The following MCPH1 variants were observed in gnomAD, a reference collection of about 807,000 sequenced individuals.
The protein encoded by MCPH1 is microcephalin.
Under a neutral mutation model 84.5 loss-of-function variants are expected in MCPH1, and 104 were observed. The observed-to-expected ratio is 1.23, with a 90% confidence interval of 1.05 to 1.45. MCPH1 has a LOEUF of 1.45. Among genes scored for constraint, MCPH1 ranks in the 40% most tolerant of loss-of-function variants. The pLI is 0.00. For missense variants in MCPH1, 1,498 were observed against 1,005.7 expected (o/e 1.49, Z -6.62); for synonymous variants, 514 against 366.8 (o/e 1.40, Z -4.58).
intron 12 of MCPH1, among the ~76,000 whole-genome samples, chr8:6,619,641 G>A: frequency 6.6e-6 from 1 of 151,568 alleles, no homozygotes. Flanking sequence ...CTGGAGTGCA[G>A]TGGCACAATC....
intron 7 of MCPH1, 72 bp from the exon 8 acceptor site, chr8:6,444,321 G>C: frequency 6.4e-7 from 1 of 1,556,464 alleles, no homozygotes; most frequent in South Asian, 1.1e-5. Flanking sequence ...TTGTTTTATT[G>C]GTCAACTGAA....
chr8:6,551,737 A>G (rs1823682219), intron 12 of MCPH1, among the ~76,000 whole-genome samples: 1 of 152,240 alleles, frequency 6.6e-6, no homozygotes, highest in Non-Finnish European at 1.5e-5. Flanking sequence ...TAAAAATAGT[A>G]AGGAATTTCA....
At chr8:6,625,817 C>G in intron 13 of MCPH1, 1 of 985,180 alleles carries the variant, frequency 1.0e-6, no homozygotes, top group Non-Finnish European at 1.2e-6. Context: ...TTTTTCAGTG[C>G]CTTTATATTG....
intron 8 of MCPH1, among the ~76,000 whole-genome samples, chr8:6,451,786 T>C (rs377719799): frequency 1.3e-5 from 2 of 152,366 alleles, no homozygotes; most frequent in South Asian, 2.1e-4. Context: ...TTCAAATTTT[T>C]GAAGCTTAGA....
At chr8:6,441,504 C>A (rs1803505879) in intron 6 of MCPH1, among the ~76,000 whole-genome samples, 1 of 152,108 alleles carries the variant, frequency 6.6e-6, no homozygotes, top group East Asian at 1.9e-4. Context: ...ATTGTATGAA[C>A]CGCCTTTGAA....
At chr8:6,627,205 G>T (rs1056475142) in intron 13 of MCPH1, 2 of 985,280 alleles carry the variant, frequency 2.0e-6, no homozygotes, top group East Asian at 2.3e-4. Flanking sequence ...AGGCCTTCGG[G>T]CTTCCTGATT....
chr8:6,420,923 T>G (rs1417789871), intron 3 of MCPH1, among the ~76,000 whole-genome samples: 1 of 152,082 alleles, frequency 6.6e-6, no homozygotes, highest in African/African-American at 2.4e-5. Flanking sequence ...GAGCAGAAGT[T>G]TATTTAAAAG....
intron 12 of MCPH1, among the ~76,000 whole-genome samples, chr8:6,572,443 T>C (rs1406295598): frequency 6.6e-6 from 1 of 152,182 alleles, no homozygotes; most frequent in Non-Finnish European, 1.5e-5. Flanking sequence ...GGCAAATCTA[T>C]CCATGATTGT....
chr8:6,469,034 A>G (rs1217013794), intron 9 of MCPH1, among the ~76,000 whole-genome samples: 2 of 151,956 alleles, frequency 1.3e-5, no homozygotes, highest in Admixed American at 6.6e-5. Context: ...ACTAAAAATA[A>G]TTTTTTAAAA....
At chr8:6,491,947 G>T (rs1266202814) in intron 11 of MCPH1, among the ~76,000 whole-genome samples, 2 of 152,184 alleles carry the variant, frequency 1.3e-5, no homozygotes, top group African/African-American at 4.8e-5. Context: ...ACGTGTGCAT[G>T]TGTCTTTATA....
At chr8:6,562,574 T>TTTTTAAAACA in intron 12 of MCPH1, 1 of 583,796 alleles carries the variant, frequency 1.7e-6, no homozygotes, top group Non-Finnish European at 2.6e-6. Context: ...TTTTTTTTGG[T>TTTTTAAAACA]TGTTAAAACC....
intron 3 of MCPH1, among the ~76,000 whole-genome samples, chr8:6,426,891 A>G (rs1049937156): frequency 1.3e-5 from 2 of 152,150 alleles, no homozygotes; most frequent in Admixed American, 1.3e-4. Flanking sequence ...CAATTAAAGT[A>G]TACAATTCAG....
intron 12 of MCPH1, chr8:6,502,350 G>T (rs1812350000): frequency 6.6e-6 from 1 of 151,952 alleles, no homozygotes; most frequent in Non-Finnish European, 1.5e-5. Flanking sequence ...TAACAATCAG[G>T]CAGAAAAAAA....
At chr8:6,474,372 T>G in intron 9 of MCPH1, 1 of 366,490 alleles carries the variant, frequency 2.7e-6, no homozygotes, top group Non-Finnish European at 5.1e-6. Flanking sequence ...AAAGTGACAC[T>G]TTAGGACTGA....
At chr8:6,438,648 A>G (rs1472220354) in intron 5 of MCPH1, among the ~76,000 whole-genome samples, 1 of 152,206 alleles carries the variant, frequency 6.6e-6, no homozygotes, top group African/African-American at 2.4e-5. Flanking sequence ...TCTGTGTCTC[A>G]GTCTTTGTCT....
At chr8:6,612,706 C>G (rs1049452757) in intron 12 of MCPH1, among the ~76,000 whole-genome samples, 1 of 152,234 alleles carries the variant, frequency 6.6e-6, no homozygotes, top group South Asian at 2.1e-4. Flanking sequence ...CCGCTCACAT[C>G]GCCGCTTCAC....
At chr8:6,570,803 G>GTT (rs10548398) in intron 12 of MCPH1, among the ~76,000 whole-genome samples, 317 of 107,702 alleles carry the variant, frequency 2.9e-3, no homozygotes, top group East Asian at 6.9e-3. Flanking sequence ...ATGGATTGTT[G>GTT]TTTTTTTTTT....
chr8:6,461,406 A>G (rs1305436333), intron 9 of MCPH1, among the ~76,000 whole-genome samples: 1 of 148,658 alleles, frequency 6.7e-6, no homozygotes, highest in Non-Finnish European at 1.5e-5. Flanking sequence ...GCTCACTGCA[A>G]CCTCCACCCC....
intron 11 of MCPH1, among the ~76,000 whole-genome samples, chr8:6,481,872 T>G (rs1016772969): frequency 6.6e-6 from 1 of 152,194 alleles, no homozygotes; most frequent in Non-Finnish European, 1.5e-5. Flanking sequence ...GGGTTTTGTT[T>G]TGTGTAGTTT....
Sources: allele counts gnomAD v4.1 joint callset (sites outside exome capture counted in the v4.1 genomes callset), GRCh38; gene constraint gnomAD v4.1.1; transcripts MANE v1.5; gene names NCBI Gene and HGNC (gene_info 2026-07-23, HGNC 2026-07-21).